The following PREX1 variants were observed in gnomAD, a reference collection of about 807,000 sequenced individuals.
The protein encoded by PREX1 is phosphatidylinositol-3,4,5-trisphosphate dependent Rac exchange factor 1, also known as phosphatidylinositol 3,4,5-trisphosphate-dependent Rac exchanger 1 protein.
PREX1 carries 41 observed loss-of-function variants against 198.3 expected under a neutral mutation model. The ratio of observed to expected loss-of-function variants is 0.21; its 90% CI spans 0.16 to 0.27. The LOEUF is 0.27. Ranked by LOEUF, PREX1 falls within the 10% of genes least tolerant of loss-of-function variation. PREX1 has a pLI of 1.00. For synonymous variants in PREX1, 843 were observed against 887.2 expected (o/e 0.95, Z 0.89); for missense variants, 1,620 against 2,200.7 (o/e 0.74, Z 5.28).
At chr20:48,806,747 A>G (rs1277899357) in intron 1 of PREX1, among the ~76,000 whole-genome samples, 2 of 152,230 alleles carry the variant, frequency 1.3e-5, no homozygotes, top group African/African-American at 4.8e-5. Context: ...GGGAGCAACA[A>G]GCATTTAATG....
chr20:48,722,188 C>T (rs890134846), intron 5 of PREX1, among the ~76,000 whole-genome samples: 5 of 152,274 alleles, frequency 3.3e-5, no homozygotes, highest in South Asian at 2.1e-4. Context: ...TCACAATAGC[C>T]AGAAAGTGGA....
chr20:48,704,327 G>C (rs1469016856), intron 6 of PREX1, among the ~76,000 whole-genome samples: 2 of 152,214 alleles, frequency 1.3e-5, no homozygotes, highest in Non-Finnish European at 2.9e-5. Flanking sequence ...CAAGGGGAGA[G>C]ACCATGTCCC....
At chr20:48,873,207 A>G in the PREX1 span, among the ~76,000 whole-genome samples, 1 of 152,140 alleles carries the variant, frequency 6.6e-6, no homozygotes, top group Non-Finnish European at 1.5e-5. Context: ...CACAAGGGAA[A>G]AGTTCACCTC....
In PREX1 at chr20:48,657,128, G is replaced by T. The variant is rs753893013; in HGVS notation, c.2035C>A (p.Arg679=). Residue 679 remains arginine, a synonymous_variant, in exon 18 of 40, where the codon CGG becomes AGG. Transcript: ENST00000371941. The part of the protein sequence containing the change: ...YSINEDLVFL[R]PFSEVESILN... ...ATGGACTCCACCTCTGAAAACGGCC[G>T]CAGGAACACCAGGTCCTCATTGATG... 2.5e-6 allele frequency: 4 copies of T among 1,612,758 alleles called. No homozygotes were observed. Among genetic ancestry groups the T allele is most frequent in the Non-Finnish European group, 2.5e-6 (3 of 1,179,424 alleles).
intron 1 of PREX1, among the ~76,000 whole-genome samples, chr20:48,795,784 A>C (rs2090359622): frequency 1.3e-5 from 2 of 152,210 alleles, no homozygotes; most frequent in South Asian, 4.1e-4. Context: ...GCCAGCTCAG[A>C]ATGCTAGGTG....
chr20:48,669,587 G>A (rs531516684), intron 14 of PREX1, among the ~76,000 whole-genome samples: 3 of 152,288 alleles, frequency 2.0e-5, no homozygotes, highest in African/African-American at 7.2e-5. Context: ...TGGGAGAGGG[G>A]AGGAGGGACA....
intron 1 of PREX1, among the ~76,000 whole-genome samples, chr20:48,779,883 T>C (rs2090280498): frequency 6.6e-6 from 1 of 152,186 alleles, no homozygotes; most frequent in Non-Finnish European, 1.5e-5. Flanking sequence ...AGGGGTGGCA[T>C]GAGAGTGTTT....
the PREX1 span, among the ~76,000 whole-genome samples, chr20:48,835,710 G>T: frequency 1.3e-5 from 2 of 152,340 alleles, no homozygotes; most frequent in Admixed American, 1.3e-4. Flanking sequence ...AGATGTATGA[G>T]CCATATAGTT....
At chr20:48,820,463 CAA>C (rs1310583975) in intron 1 of PREX1, among the ~76,000 whole-genome samples, 1 of 152,218 alleles carries the variant, frequency 6.6e-6, no homozygotes, top group Non-Finnish European at 1.5e-5. Flanking sequence ...CCATGAACCG[CAA>C]GAGAGGGAGC....
chr20:48,792,816 ATAC>A (rs1437421613), intron 1 of PREX1, among the ~76,000 whole-genome samples: 26 of 76,624 alleles, frequency 3.4e-4, no homozygotes, highest in Non-Finnish European at 7.0e-4. Flanking sequence ...AAAAAAAAAA[ATAC>A]ACACACACAC....
chr20:48,807,864 G>C (rs2090418689), intron 1 of PREX1, among the ~76,000 whole-genome samples: 1 of 152,138 alleles, frequency 6.6e-6, no homozygotes, highest in African/African-American at 2.4e-5. Context: ...GCCAATTCCA[G>C]AGCATTCTGG....
intron 1 of PREX1, among the ~76,000 whole-genome samples, chr20:48,781,896 C>T (rs1601132800): frequency 6.6e-6 from 1 of 152,186 alleles, no homozygotes. Flanking sequence ...AACAATTGAA[C>T]CTTGGGGGAC....
At position 48,745,466 on chromosome 20, in the gene PREX1, T is replaced by A. The variant is rs1236193829; in HGVS notation, c.292-319A>T. Among the ~76,000 whole-genome samples the A allele has an allele frequency of 2.0e-5, 3 of 152,198 alleles. No individual in the cohort carries two copies. The East Asian group carries it at 5.8e-4, about 29-fold the overall frequency. On this transcript the variant is annotated intron_variant, in intron 2 of 39. Transcript: ENST00000371941. ...TACAGATGAAGAACCAAGGCTCAGA[T>A]AAAATAATATTCCCAAGGTCAAAGT...
In PREX1 at chr20:48,720,631, T is replaced by C. The variant is rs568786634; in HGVS notation, c.621+5659A>G. On this transcript the variant is annotated intron_variant, in intron 5 of 39. Coordinates refer to ENST00000371941, the MANE Select transcript of PREX1 (RefSeq NM_020820.4). ...TCCACCCATCCTACATAAAGTCTGC[T>C]CTGGTGCCACCTAAAATCTTCTGGA... Among the ~76,000 whole-genome samples the C allele has an allele frequency of 1.2e-4, 19 of 152,060 alleles. No individual in the cohort carries two copies. The South Asian group carries it at 4.0e-3, about 32-fold the overall frequency.
At chr20:48,664,911 G>T (rs1450455698) in intron 15 of PREX1, among the ~76,000 whole-genome samples, 1 of 149,580 alleles carries the variant, frequency 6.7e-6, no homozygotes, top group Non-Finnish European at 1.5e-5. Context: ...GGCCCAGACG[G>T]CCTGAATTCT....
chr20:48,634,481 CCT>C (rs2089345455), intron 33 of PREX1, among the ~76,000 whole-genome samples, 193 bp downstream of exon 33: 4 of 152,150 alleles, frequency 2.6e-5, no homozygotes. Flanking sequence ...AAAAGAAACC[CCT>C]CTTTTTCCAT....
rs200153821 is a variant in PREX1, at chr20:48,691,132, T to A, written c.1037-36A>T. On this transcript the variant is annotated intron_variant, in intron 8 of 39. Transcript: ENST00000371941. The surrounding 1 kb of genome is among the most constrained non-coding windows in gnomAD (Gnocchi z 5.0). ...CAGGAGGCAAAGGTGCAGCAGAGAC[T>A]CAGCCGCGTGACCTTCAACACTCCC... 3.7e-6 allele frequency: 6 copies of A among 1,613,776 alleles called. No individual in the cohort carries two copies. Among genetic ancestry groups the A allele is most frequent in the South Asian group, 2.2e-5 (2 of 91,066 alleles).
At chr20:48,742,225 C>A (rs2090085780) in intron 3 of PREX1, among the ~76,000 whole-genome samples, 1 of 152,128 alleles carries the variant, frequency 6.6e-6, no homozygotes, top group Non-Finnish European at 1.5e-5. Flanking sequence ...GGGCACCCTG[C>A]ACAAAGTCAC....
the PREX1 span, among the ~76,000 whole-genome samples, chr20:48,874,478 C>T: frequency 2.0e-5 from 3 of 150,058 alleles, no homozygotes; most frequent in South Asian, 2.1e-4. Flanking sequence ...AGCGTTGTGG[C>T]GGGAGTTTGG....
Sources: allele counts gnomAD v4.1 joint callset (sites outside exome capture counted in the v4.1 genomes callset), GRCh38; gene constraint gnomAD v4.1.1; non-coding constraint Gnocchi (gnomAD v3.1); transcripts MANE v1.5; gene names NCBI Gene and HGNC (gene_info 2026-07-23, HGNC 2026-07-21).